The following MXI1 variants were observed in gnomAD, a reference collection of about 807,000 sequenced individuals.
MXI1 encodes the protein MAX interactor 1, dimerization protein.
Under a neutral mutation model 36.9 loss-of-function variants are expected in MXI1, and 18 were observed. The observed-to-expected ratio is 0.49, with a 90% CI of 0.34 to 0.72. The LOEUF is 0.72. Among genes scored for constraint, MXI1 ranks in the 30% least tolerant of loss-of-function variants. The pLI, the probability that MXI1 is intolerant of heterozygous loss-of-function variation, is 0.01. For missense variants in MXI1, 304 were observed against 379.1 expected (o/e 0.80, Z 1.64); for synonymous variants, 160 against 146.7 (o/e 1.09, Z -0.65).
intron 3 of MXI1, among the ~76,000 whole-genome samples, chr10:110,273,574 A>G (rs116184412): frequency 6.6e-6 from 1 of 151,794 alleles, no homozygotes; most frequent in South Asian, 2.1e-4. Flanking sequence ...ACTTTGGTAT[A>G]TATGTGTAGG....
intron 3 of MXI1, among the ~76,000 whole-genome samples, chr10:110,248,910 G>A (rs574609159): frequency 6.6e-6 from 1 of 152,260 alleles, no homozygotes; most frequent in African/African-American, 2.4e-5. Context: ...CTTCTGGGAA[G>A]TTACCAGTGG....
chr10:110,214,843 G>GTTTT (rs5787838), intron 1 of MXI1, among the ~76,000 whole-genome samples: 1 of 135,224 alleles, frequency 7.4e-6, no homozygotes, highest in East Asian at 2.1e-4. Context: ...TGGCTTTTGA[G>GTTTT]TTTTTTTTTT....
chr10:110,243,881 C>T (rs907065706), intron 2 of MXI1, among the ~76,000 whole-genome samples: 2 of 152,046 alleles, frequency 1.3e-5, no homozygotes, highest in African/African-American at 4.8e-5. Flanking sequence ...TGGACTCAGG[C>T]AGTTTGGCCT....
intron 1 of MXI1, chr10:110,210,210 C>T (rs1854477254): frequency 1.0e-6 from 1 of 980,030 alleles, no homozygotes; most frequent in Non-Finnish European, 1.2e-6. Flanking sequence ...GCTGGTGAAG[C>T]CGAGGGGCTT....
chr10:110,215,808 A>G (rs538642516), intron 1 of MXI1, among the ~76,000 whole-genome samples: 2 of 152,234 alleles, frequency 1.3e-5, no homozygotes, highest in Non-Finnish European at 2.9e-5. Context: ...TTGACTGAGG[A>G]GGAGGAATTC....
chr10:110,280,105 T>C lies in MXI1; in HGVS notation c.724+20T>C. The C allele has an allele frequency of 6.4e-7, 1 of 1,559,834 alleles. No individual in the cohort carries two copies. The highest frequency in any genetic ancestry group is 8.7e-7 in the Non-Finnish European group (1 of 1,153,654). ...AGCGAGGTAGGCAGCTTGCCTCTTCTCTAATGAAATACTAAACATCTCTGT... is the reference window on the plus strand; with the variant it reads ...AGCGAGGTAGGCAGCTTGCCTCTTCCCTAATGAAATACTAAACATCTCTGT... On this transcript the variant is annotated intron_variant, in intron 5 of 5. Transcript: ENST00000332674.
At chr10:110,253,442 T>C (rs1334354492) in intron 3 of MXI1, among the ~76,000 whole-genome samples, 1 of 152,086 alleles carries the variant, frequency 6.6e-6, no homozygotes, top group Non-Finnish European at 1.5e-5. Flanking sequence ...GAAGAACATA[T>C]CTGAAATCGT....
chr10:110,224,653 T>G (rs199907030), intron 1 of MXI1, among the ~76,000 whole-genome samples: 3,939 of 150,416 alleles, frequency 0.026, 181 homozygotes, highest in East Asian at 0.25. Context: ...TTTTTTTTTT[T>G]TCTTTGAGAC....
chr10:110,249,823 T>TA, intron 3 of MXI1, among the ~76,000 whole-genome samples: 2 of 152,300 alleles, frequency 1.3e-5, no homozygotes, highest in Admixed American at 6.5e-5. Flanking sequence ...TGAGTTATGA[T>TA]AAAAAACATA....
At chr10:110,209,177 C>A (rs1245399308) in intron 1 of MXI1, among the ~76,000 whole-genome samples, 5 of 152,124 alleles carry the variant, frequency 3.3e-5, no homozygotes, top group Admixed American at 3.3e-4. Flanking sequence ...GCGTGTGCAG[C>A]GTATCCAGCA....
chr10:110,219,058 G>A (rs1197312872), intron 1 of MXI1, among the ~76,000 whole-genome samples: 1 of 152,232 alleles, frequency 6.6e-6, no homozygotes, highest in Non-Finnish European at 1.5e-5. Context: ...CCAGCACTTT[G>A]GGAGGCCGAA....
In MXI1 at chr10:110,218,247, G is replaced by C. The variant is rs201150905; in HGVS notation, c.275-9942G>C. On this transcript the variant is annotated intron_variant, in intron 1 of 5. Transcript: ENST00000332674. Reference sequence around the variant, plus strand: ...GGGCGGATCACGAGGTCAGGAGATCGAGACCATTCTGGCTAACACGCTGAA... The same window carrying C: ...GGGCGGATCACGAGGTCAGGAGATCCAGACCATTCTGGCTAACACGCTGAA... Among the ~76,000 whole-genome samples, 13 of 152,182 alleles carry C rather than the reference G, an allele frequency of 8.5e-5. No homozygotes were observed. The South Asian group carries it at 2.7e-3, about 32-fold the overall frequency.
intron 3 of MXI1, among the ~76,000 whole-genome samples, chr10:110,262,658 G>T (rs1856557300): frequency 6.6e-6 from 1 of 151,982 alleles, no homozygotes; most frequent in Non-Finnish European, 1.5e-5. Context: ...AAGGCAATAG[G>T]TGTATTCTAT....
At chr10:110,241,088 T>G (rs548348595) in intron 2 of MXI1, among the ~76,000 whole-genome samples, 1 of 152,118 alleles carries the variant, frequency 6.6e-6, no homozygotes, top group South Asian at 2.1e-4. Context: ...CAATGAAAAG[T>G]CACATATCTG....
Position 110,279,989 on chromosome 10 carries a change from C to T in MXI1, c.628C>T (p.Arg210Ter), listed in dbSNP as rs1291223856. 1.2e-6 allele frequency: 2 copies of T among 1,612,948 alleles called. No homozygotes were observed. The highest frequency in any genetic ancestry group is 1.7e-6 in the Non-Finnish European group (2 of 1,179,352). ...LEREQRFLKWRLEQLQGPQEM... is the reference protein window; with the variant it reads ...LEREQRFLKW ...ACGAGAACAGAGATTTTTAAAGTGG[C>T]GACTGGAACAGCTGCAGGGTCCTCA... Residue 210 changes from arginine (R) to a stop codon, truncating the protein, a stop_gained, in exon 5 of 6, where the codon CGA becomes TGA. Transcript: ENST00000332674. LOFTEE classifies it high-confidence loss of function.
At chr10:110,226,051 G>C (rs939033237) in intron 1 of MXI1, 5 of 988,506 alleles carry the variant, frequency 5.1e-6, no homozygotes, top group African/African-American at 1.8e-5. Context: ...GCGCGGCTGG[G>C]GCGGCAGGGG....
At chr10:110,282,264 T>C (rs1361029099) in intron 5 of MXI1, among the ~76,000 whole-genome samples, 1 of 150,340 alleles carries the variant, frequency 6.7e-6, no homozygotes, top group Admixed American at 6.7e-5. Flanking sequence ...TTTTGAATGC[T>C]CAAACTGTCC....
At chr10:110,222,315 TCTC>T (rs932137594) in intron 1 of MXI1, among the ~76,000 whole-genome samples, 4 of 152,200 alleles carry the variant, frequency 2.6e-5, no homozygotes, top group Admixed American at 6.5e-5. Flanking sequence ...TCAGGGAAGT[TCTC>T]CTAAGTGCAA....
intron 1 of MXI1, among the ~76,000 whole-genome samples, chr10:110,215,652 G>A (rs1854619367): frequency 1.3e-5 from 2 of 152,206 alleles, no homozygotes; most frequent in South Asian, 4.2e-4. Flanking sequence ...TTATTGCAAA[G>A]GTCATTGCAA....
Sources: allele counts gnomAD v4.1 joint callset (sites outside exome capture counted in the v4.1 genomes callset), GRCh38; gene constraint gnomAD v4.1.1; transcripts MANE v1.5; gene names NCBI Gene and HGNC (gene_info 2026-07-23, HGNC 2026-07-21).